Variants in PPP1R12B observed in about 807,000 individuals in gnomAD.
The protein encoded by PPP1R12B is protein phosphatase 1 regulatory subunit 12B.
A neutral mutation model predicts 126.1 loss-of-function variants in PPP1R12B; 76 were observed. The observed-to-expected ratio is 0.60, with a 90% CI of 0.50 to 0.73. The LOEUF (loss-of-function observed/expected upper bound fraction) is 0.73. Ranked by LOEUF, PPP1R12B falls within the 30% of genes least tolerant of loss-of-function variation. The probability of loss-of-function intolerance (pLI) is 0.00; values close to 1 mark genes in which losing one functional copy is unlikely to be tolerated. For synonymous variants in PPP1R12B, 356 were observed against 434.7 expected, an observed-to-expected ratio of 0.82 and a Z score of 2.25; for missense variants, 1,052 against 1,205.1, an observed-to-expected ratio of 0.87 and a Z score of 1.88.
intron 13 of PPP1R12B, among the ~76,000 whole-genome samples, chr1:202,458,230 A>T (rs1453222128): frequency 2.4e-5 from 3 of 122,546 alleles, no homozygotes; most frequent in African/African-American, 8.2e-5. Flanking sequence ...TGTCTGTACT[A>T]TGCTAAGAAA....
chr1:202,390,769 A>T (rs1192243707), intron 1 of PPP1R12B, among the ~76,000 whole-genome samples: 1 of 151,212 alleles, frequency 6.6e-6, no homozygotes, highest in African/African-American at 2.4e-5. Flanking sequence ...TGTTGGGATT[A>T]TGGGCATGAG....
intron 23 of PPP1R12B, among the ~76,000 whole-genome samples, chr1:202,571,372 A>G (rs558148239): frequency 6.6e-6 from 1 of 152,312 alleles, no homozygotes; most frequent in African/African-American, 2.4e-5. Context: ...TCAATTGTAA[A>G]TTATCAAGTG....
Position 202,573,722 on chromosome 1 carries a change from A to C in PPP1R12B, c.2862+4525A>C, listed in dbSNP as rs562135883. ...ATTAAAGTCTTTAAATGTCTTATGG[A>C]ATATGGGGTATCAGGAAGAATGTCT... On this transcript the variant is annotated intron_variant, in intron 23 of 23. Transcript: ENST00000608999. Among the ~76,000 whole-genome samples the C allele has an allele frequency of 4.6e-5, 7 of 152,270 alleles. No individual in the cohort carries two copies. In the South Asian group the frequency reaches 1.5e-3, roughly 32 times the overall value.
rs1223197218 is a variant in PPP1R12B, at chr1:202,434,710, T to G, written c.1196T>G (p.Ile399Ser). Reference protein sequence around the residue: ...NHSNSESKSSITEQIPAPAQN... With the variant: ...NHSNSESKSSSTEQIPAPAQN... ...TCCAACTCTGAAAGCAAGAGTAGTA[T>G]CACAGAGCAGATACCAGCACCAGCT... Residue 399 changes from isoleucine to serine, a missense_variant, in exon 9 of 24, where the codon ATC (isoleucine) becomes AGC (serine). Transcript: ENST00000608999. The G allele has an allele frequency of 9.3e-6, 15 of 1,613,804 alleles. No individual in the cohort carries two copies. The highest frequency in any genetic ancestry group is 1.3e-5 in the Non-Finnish European group (15 of 1,179,962).
intron 23 of PPP1R12B, among the ~76,000 whole-genome samples, chr1:202,570,789 C>T (rs935527309): frequency 1.3e-5 from 2 of 152,202 alleles, no homozygotes; most frequent in Non-Finnish European, 2.9e-5. Context: ...TCCCGAATAG[C>T]TGGGACTACA....
chr1:202,403,289 A>G (rs1407115484), intron 1 of PPP1R12B, among the ~76,000 whole-genome samples: 1 of 152,228 alleles, frequency 6.6e-6, no homozygotes, highest in South Asian at 2.1e-4. Context: ...AGTTTCAAAT[A>G]TAGAATTTTT....
intron 13 of PPP1R12B, among the ~76,000 whole-genome samples, chr1:202,483,067 T>A (rs1677611313): frequency 6.6e-6 from 1 of 152,218 alleles, no homozygotes; most frequent in African/African-American, 2.4e-5. Context: ...TGTGTCAATT[T>A]ATTTCTGGGC....
At chr1:202,417,402 G>T (rs1409442921) in intron 2 of PPP1R12B, 4 of 985,226 alleles carry the variant, frequency 4.1e-6, no homozygotes, top group Non-Finnish European at 4.8e-6. Context: ...ACAAAGGAAA[G>T]GTGGGCACTG....
chr1:202,439,590 C>A lies in PPP1R12B; in HGVS notation c.1459-1116C>A, dbSNP rs568118894. Reference sequence around the variant, plus strand: ...CTGACCACCCAGGTGGCCGCCACCCCCTCTGTACACCATGGACCCTGCCCT... The same window carrying A: ...CTGACCACCCAGGTGGCCGCCACCCACTCTGTACACCATGGACCCTGCCCT... On this transcript the variant is annotated intron_variant, in intron 10 of 23. Transcript: ENST00000608999. 1.2e-4 allele frequency: 142 copies of A among 1,148,282 alleles called. No homozygotes were observed. In the African/African-American group the frequency reaches 1.6e-3, roughly 13 times the overall value. 71.1% of individuals were successfully genotyped at this position (1,148,282 alleles called of 1,614,324 possible).
intron 1 of PPP1R12B, chr1:202,370,090 C>T (rs1571635443): frequency 9.8e-6 from 2 of 204,282 alleles, no homozygotes; most frequent in East Asian, 1.6e-4. Flanking sequence ...CTACCATGCC[C>T]GGCCTTGGGC....
intron 2 of PPP1R12B, among the ~76,000 whole-genome samples, chr1:202,420,577 GTAT>G (rs1668614851): frequency 6.6e-6 from 1 of 152,152 alleles, no homozygotes. Context: ...CTTACTATGT[GTAT>G]TATTTGCATT....
chr1:202,430,926 TAAACTTGTGGG>T lies in PPP1R12B; in HGVS notation c.1001+134_1001+144del, dbSNP rs774939448. 2,954 of 1,400,878 alleles carry T rather than the reference TAAACTTGTGGG, an allele frequency of 2.1e-3. 9 individuals carry two copies. The highest frequency in any genetic ancestry group is 2.1e-3 in the Non-Finnish European group (2,280 of 1,069,458). 86.8% of individuals were successfully genotyped at this position (1,400,878 alleles called of 1,614,324 possible). Reference sequence around the variant, plus strand: ...TGTTTGTATTTAGCCGAGTGATCTATAAACTTGTGGGAAACTTGTGGGAAACTTTGTGGGAC... The same window carrying T: ...TGTTTGTATTTAGCCGAGTGATCTATAAACTTGTGGGAAACTTTGTGGGAC... On this transcript the variant is annotated intron_variant, in intron 7 of 23. Transcript: ENST00000608999.
intron 18 of PPP1R12B, among the ~76,000 whole-genome samples, chr1:202,497,655 G>C (rs746261885): frequency 6.6e-6 from 1 of 152,122 alleles, no homozygotes; most frequent in Non-Finnish European, 1.5e-5. Context: ...ACAGACAATA[G>C]TAGCCTTCTA....
chr1:202,541,230 T>G (rs1027046616), intron 18 of PPP1R12B, among the ~76,000 whole-genome samples: 3 of 23,532 alleles, frequency 1.3e-4, no homozygotes, highest in Non-Finnish European at 2.3e-4. Flanking sequence ...CTAGTGTGGG[T>G]TTTTTTTTCC....
rs201879634 is a variant in PPP1R12B at position 202,349,079 on chromosome 1, G to A, written c.228G>A (p.Lys76=). Residue 76 remains lysine, a synonymous_variant, in exon 1 of 24, where the codon AAG becomes AAA. Transcript: ENST00000608999. ...CSSGDTDEVR[K]LLARGADINT... ...GCGGGGACACCGACGAGGTGAGAAAGCTTCTGGCAAGAGGTGCTGATATCA... is the reference window on the plus strand; with the variant it reads ...GCGGGGACACCGACGAGGTGAGAAAACTTCTGGCAAGAGGTGCTGATATCA... 1 of 1,614,148 alleles carries A rather than the reference G, an allele frequency of 6.2e-7. No homozygotes were observed. Among genetic ancestry groups the A allele is most frequent in the African/African-American group, 1.3e-5 (1 of 75,068 alleles).
At chr1:202,553,653 A>G (rs900727624) in intron 18 of PPP1R12B, among the ~76,000 whole-genome samples, 1 of 152,204 alleles carries the variant, frequency 6.6e-6, no homozygotes, top group Non-Finnish European at 1.5e-5. Context: ...TTGCCAGAGC[A>G]TAGATAAGAT....
At chr1:202,464,142 C>A (rs530596081) in intron 13 of PPP1R12B, among the ~76,000 whole-genome samples, 1 of 152,178 alleles carries the variant, frequency 6.6e-6, no homozygotes, top group African/African-American at 2.4e-5. Flanking sequence ...AGTATTCTGT[C>A]TTCAGTGTTC....
chr1:202,368,402 G>A (rs150094665), intron 1 of PPP1R12B, among the ~76,000 whole-genome samples: 16 of 152,316 alleles, frequency 1.1e-4, no homozygotes, highest in Non-Finnish European at 2.1e-4. Context: ...CAGGAGCCAA[G>A]CAGATGTCAG....
chr1:202,555,385 G>A (rs1279477825), intron 18 of PPP1R12B, among the ~76,000 whole-genome samples: 1 of 95,724 alleles, frequency 1.0e-5, no homozygotes, highest in African/African-American at 4.1e-5. Context: ...GCAGCTGCCA[G>A]AGTCTACACA....
Sources: allele counts gnomAD v4.1 joint callset (sites outside exome capture counted in the v4.1 genomes callset), GRCh38; gene constraint gnomAD v4.1.1; transcripts MANE v1.5; gene names NCBI Gene and HGNC (gene_info 2026-07-23, HGNC 2026-07-21).